The following CAST variants were observed in gnomAD, a reference collection of about 807,000 sequenced individuals.
CAST encodes the protein MIR583 host.
Under a neutral mutation model 119.6 loss-of-function variants are expected in CAST, and 76 were observed. That is an observed-to-expected ratio of 0.64 (90% CI 0.53 to 0.77). The LOEUF is 0.77. Among genes scored for constraint, CAST ranks in the 30% least tolerant of loss-of-function variants. The probability of loss-of-function intolerance (pLI) is 0.00; values close to 1 mark genes in which losing one functional copy is unlikely to be tolerated. For synonymous variants in CAST, 319 were observed against 331.6 expected (o/e 0.96, Z 0.41); for missense variants, 953 against 946.5 (o/e 1.01, Z -0.09).
chr5:96,429,098 C>T, the CAST span: 24 of 665,086 alleles, frequency 3.6e-5, no homozygotes, highest in South Asian at 3.8e-4. Flanking sequence ...GATAAACAAT[C>T]TTGGTCACAA....
At chr5:96,604,013 C>A (rs562302840) in intron 1 of CAST, among the ~76,000 whole-genome samples, 1 of 152,156 alleles carries the variant, frequency 6.6e-6, no homozygotes, top group Non-Finnish European at 1.5e-5. Context: ...AATCTTCCCC[C>A]CTCAGCTTCC....
chr5:96,510,379 AC>A, the CAST span, among the ~76,000 whole-genome samples: 1 of 152,202 alleles, frequency 6.6e-6, no homozygotes, highest in Non-Finnish European at 1.5e-5. Flanking sequence ...TCCTAAAGTA[AC>A]CTTCCAGTTT....
chr5:96,423,423 C>T, the CAST span: 1 of 1,614,008 alleles, frequency 6.2e-7, no homozygotes, highest in South Asian at 1.1e-5. Flanking sequence ...ACATGAAGGT[C>T]CAGCTTGGGC....
intron 1 of CAST, among the ~76,000 whole-genome samples, chr5:96,591,293 T>C (rs189502223): frequency 6.6e-6 from 1 of 152,326 alleles, no homozygotes; most frequent in East Asian, 1.9e-4. Context: ...CAGATTCTGA[T>C]GAATGGAAGT....
the CAST span, among the ~76,000 whole-genome samples, chr5:96,450,683 T>C: frequency 6.6e-6 from 1 of 152,214 alleles, no homozygotes; most frequent in African/African-American, 2.4e-5. Flanking sequence ...ATTGCAAACA[T>C]TGCTCCAATG....
chr5:96,400,896 G>A, the CAST span, among the ~76,000 whole-genome samples: 2 of 151,552 alleles, frequency 1.3e-5, no homozygotes, highest in African/African-American at 4.9e-5. Context: ...GACCATCTTG[G>A]CTAACACGGT....
chr5:96,403,992 A>G, the CAST span, among the ~76,000 whole-genome samples: 4 of 152,348 alleles, frequency 2.6e-5, no homozygotes, highest in South Asian at 8.3e-4. Flanking sequence ...CTCACCTATT[A>G]AAAATTATTC....
the CAST span, among the ~76,000 whole-genome samples, chr5:96,162,945 C>A: frequency 6.6e-6 from 1 of 152,014 alleles, no homozygotes; most frequent in Non-Finnish European, 1.5e-5. Context: ...GTTTATTTTT[C>A]TTCTATTTTT....
At chr5:96,404,203 A>G in the CAST span, among the ~76,000 whole-genome samples, 1 of 152,248 alleles carries the variant, frequency 6.6e-6, no homozygotes, top group Non-Finnish European at 1.5e-5. Flanking sequence ...TTGTAGGAAA[A>G]CACAGTGGTA....
chr5:96,478,567 C>T, the CAST span, among the ~76,000 whole-genome samples: 1 of 152,218 alleles, frequency 6.6e-6, no homozygotes, highest in South Asian at 2.1e-4. Context: ...ACTCTTTGCT[C>T]TTTCTGTTGG....
At position 96,698,139 on chromosome 5, in the gene CAST, GA is replaced by G. The variant is rs144366027; in HGVS notation, c.210+2236del. Among the ~76,000 whole-genome samples the G allele has an allele frequency of 2.0e-5, 3 of 152,204 alleles. No individual in the cohort carries two copies. In the East Asian group the frequency reaches 5.8e-4, roughly 29 times the overall value. On this transcript the variant is annotated intron_variant, in intron 3 of 31. Coordinates refer to ENST00000675179, the MANE Select transcript of CAST (RefSeq NM_001750.7). Reference sequence around the variant, plus strand: ...ACTTTTGAAGGTTTAGTACATTGTGGAAAACCACACCCAGTTTTTTCTTGAA... The same window carrying G: ...ACTTTTGAAGGTTTAGTACATTGTGGAAACCACACCCAGTTTTTTCTTGAA...
At chr5:96,768,457 C>T in intron 29 of CAST, 2 of 448,762 alleles carry the variant, frequency 4.5e-6, no homozygotes, top group African/African-American at 2.0e-5. Flanking sequence ...AGAAAAAATG[C>T]CTATAATTCC....
At chr5:96,599,771 A>G (rs755400582) in intron 1 of CAST, among the ~76,000 whole-genome samples, 1 of 152,082 alleles carries the variant, frequency 6.6e-6, no homozygotes, top group Non-Finnish European at 1.5e-5. Flanking sequence ...GCTACAGCAA[A>G]TTTGAAATAA....
At chr5:96,597,357 T>G (rs1747071581) in intron 1 of CAST, among the ~76,000 whole-genome samples, 1 of 152,202 alleles carries the variant, frequency 6.6e-6, no homozygotes, top group South Asian at 2.1e-4. Context: ...ATACTAATTA[T>G]AGAAAGTACA....
chr5:96,584,251 T>C (rs1173929847), intron 1 of CAST, among the ~76,000 whole-genome samples: 1 of 152,146 alleles, frequency 6.6e-6, no homozygotes, highest in African/African-American at 2.4e-5. Context: ...GGGCTGGTGC[T>C]CCTATGAGAA....
the CAST span, among the ~76,000 whole-genome samples, chr5:96,188,756 C>T: frequency 6.6e-6 from 1 of 152,074 alleles, no homozygotes; most frequent in Non-Finnish European, 1.5e-5. Context: ...ACCTTCAGAA[C>T]TGTATAAGTA....
rs1449609511 is a variant in CAST at position 96,757,505 on chromosome 5, C to T, written c.1761+11C>T. 2 of 1,613,588 alleles carry T rather than the reference C, an allele frequency of 1.2e-6. No individual in the cohort carries two copies. The highest frequency in any genetic ancestry group is 4.5e-5 in the East Asian group (2 of 44,888). On this transcript the variant is annotated intron_variant, in intron 23 of 31. Transcript: ENST00000675179. ...AAGGAACAGCTTCCAGTAAGCAAAC[C>T]AGTTTTCTCTGAGGATATCTTTTCC... is the stretch of plus-strand genomic sequence containing the variant.
intron 1 of CAST, among the ~76,000 whole-genome samples, chr5:96,588,824 G>A (rs190698857): frequency 2.0e-4 from 31 of 152,272 alleles, no homozygotes; most frequent in Non-Finnish European, 4.4e-4. Flanking sequence ...GGATTCATGT[G>A]AAATTGGTTA....
At chr5:96,075,371 T>A in the CAST span, among the ~76,000 whole-genome samples, 1 of 152,220 alleles carries the variant, frequency 6.6e-6, no homozygotes, top group Non-Finnish European at 1.5e-5. Context: ...GTTTTCCTAT[T>A]AGTTACGGAC....
Sources: gnomAD v4.1 joint callset for allele counts (sites outside exome capture counted in the v4.1 genomes callset) on GRCh38, gnomAD v4.1.1 for gene constraint, MANE v1.5 for transcripts, NCBI Gene and HGNC (gene_info 2026-07-23, HGNC 2026-07-21) for gene names.